Variants in SYNE2 observed in about 807,000 individuals in gnomAD.
The protein encoded by SYNE2 is spectrin repeat containing nuclear envelope protein 2, also known as nesprin-2.
SYNE2 carries 431 observed loss-of-function variants against 856.3 expected under a neutral mutation model. The observed-to-expected ratio is 0.50, with a 90% CI of 0.47 to 0.55. SYNE2 has a LOEUF of 0.55. SYNE2 is among the 20% of genes least tolerant of loss of function. The pLI is 0.00. For missense variants in SYNE2, 8,129 were observed against 8,023.2 expected, an observed-to-expected ratio of 1.01 and a Z score of -0.50; for synonymous variants, 2,923 against 2,872.3, an observed-to-expected ratio of 1.02 and a Z score of -0.56.
At chr14:64,080,720 G>C in intron 56 of SYNE2, 82 bp downstream of exon 56, 1 of 1,539,366 alleles carries the variant, frequency 6.5e-7, no homozygotes, top group Non-Finnish European at 9.0e-7. Flanking sequence ...TTCAGAAACA[G>C]TCAGTTTCTG....
In SYNE2 at chr14:64,053,637, A is replaced by C; in HGVS notation, c.9724A>C (p.Thr3242Pro). Residue 3242 changes from threonine (T) to proline (P), a missense_variant, in exon 48 of 116, where the codon ACA becomes CCA. Physicochemically the swap from Thr to Pro is conservative, Grantham distance 38. Coordinates refer to ENST00000555002, the MANE Select transcript of SYNE2 (RefSeq NM_182914.3). The part of the protein sequence containing the change: ...EFEDLQMQLN[T>P]SIDLRTNVLN... Reference sequence around the variant, plus strand: ...TGAAGATCTTCAGATGCAGCTTAACACAAGCATTGATTTGCGCACAGTAAG... The same window carrying C: ...TGAAGATCTTCAGATGCAGCTTAACCCAAGCATTGATTTGCGCACAGTAAG... The C allele has an allele frequency of 6.2e-7, 1 of 1,613,546 alleles. No individual in the cohort carries two copies. Among genetic ancestry groups the C allele is most frequent in the Non-Finnish European group, 8.5e-7 (1 of 1,179,674 alleles).
intron 2 of SYNE2, among the ~76,000 whole-genome samples, chr14:63,938,360 AG>A (rs1440898751): frequency 6.6e-6 from 1 of 152,112 alleles, no homozygotes; most frequent in African/African-American, 2.4e-5. Context: ...GGAGCCTGGG[AG>A]GTCAAGGCTG....
At position 64,142,000 on chromosome 14, in the gene SYNE2, A is replaced by G. The variant is rs142274277; in HGVS notation, c.15218A>G (p.Asn5073Ser). 3.3e-4 allele frequency: 537 copies of G among 1,614,174 alleles called. 2 individuals carry two copies. Among genetic ancestry groups the G allele is most frequent in the African/African-American group, 7.5e-4 (56 of 75,068 alleles). The change falls in exon 82 of 116, where the codon AAC (asparagine) becomes AGC (serine). Residue 5073 changes from asparagine (N) to serine (S), a missense_variant. Asn to Ser is a conservative substitution (Grantham distance 46). Transcript: ENST00000555002. ...KAITEMISWM[N>S]NVEHQTSDED... ...ATCACAGAAATGATTAGCTGGATGA[A>G]CAATGTGGAGCATCAAACTTCAGAT...
At chr14:63,794,052 C>T (rs1161324957) in intron 1 of SYNE2, among the ~76,000 whole-genome samples, 1 of 152,072 alleles carries the variant, frequency 6.6e-6, no homozygotes, top group Admixed American at 6.5e-5. Context: ...TTTAATAAAG[C>T]TGGATACAGA....
chr14:63,942,214 G>C, intron 6 of SYNE2, 71 bp downstream of exon 6: 1 of 929,418 alleles, frequency 1.1e-6, no homozygotes, highest in Non-Finnish European at 1.7e-6. Context: ...TGCAATAAGT[G>C]TGAGTGGACT....
rs113259336 is a variant in SYNE2, at chr14:63,789,114, C to T, written c.-305+27128C>T. 5.7e-3 allele frequency among the ~76,000 whole-genome samples: 868 copies of T among 152,182 alleles called. 5 individuals are homozygous for T. The highest frequency in any genetic ancestry group is 0.019 in the African/African-American group (802 of 41,526). On this transcript the variant is annotated intron_variant, in intron 1 of 23. Coordinates refer to the SYNE2 transcript ENST00000674003. ...TGTTAATTTTCTTAGTTTTCATTACCCCAAACCCTTTGCCAATTTGTCTAA... is the reference window on the plus strand; with the variant it reads ...TGTTAATTTTCTTAGTTTTCATTACTCCAAACCCTTTGCCAATTTGTCTAA...
intron 1 of SYNE2, among the ~76,000 whole-genome samples, chr14:63,804,483 T>TTTTCTTTTCC (rs1200026730): frequency 6.6e-6 from 1 of 152,046 alleles, no homozygotes; most frequent in Non-Finnish European, 1.5e-5. Flanking sequence ...TTTTCTTTTC[T>TTTTCTTTTCC]TTTCTTTTCC....
intron 1 of SYNE2, among the ~76,000 whole-genome samples, chr14:63,899,499 G>A (rs2095306797): frequency 6.7e-6 from 1 of 150,060 alleles, no homozygotes; most frequent in Admixed American, 6.6e-5. Flanking sequence ...ACTGTGCCTG[G>A]CCCTGTTTGT....
At chr14:63,815,104 ACACATATATC>A (rs1180042161) in intron 1 of SYNE2, among the ~76,000 whole-genome samples, 3 of 111,306 alleles carry the variant, frequency 2.7e-5, no homozygotes, top group South Asian at 2.9e-4. Flanking sequence ...ATATATATCC[ACACATATATC>A]CATATATATC....
chr14:64,049,666 C>G lies in SYNE2; in HGVS notation c.7433C>G (p.Thr2478Arg). 1 of 1,614,074 alleles carries G rather than the reference C, an allele frequency of 6.2e-7. No individual in the cohort carries two copies. ...GCAGCCATTAAGCCACTGGAACAAA[C>G]AGAATGTCTTAACAAAACAGAAACT... ...KKAAIKPLEQ[T>R]ECLNKTETGA... Residue 2478 changes from threonine to arginine, a missense_variant, in exon 47 of 116, where the codon ACA becomes AGA. Physicochemically the swap from Thr to Arg is moderately conservative, Grantham distance 71 (BLOSUM62 -1). Coordinates refer to ENST00000555002, the MANE Select transcript of SYNE2 (RefSeq NM_182914.3).
intron 45 of SYNE2, among the ~76,000 whole-genome samples, chr14:64,038,813 G>A (rs868720394): frequency 7.2e-5 from 11 of 152,282 alleles, no homozygotes; most frequent in South Asian, 2.1e-4. Flanking sequence ...GCTTCGGCTC[G>A]GCATCAGAGG....
chr14:64,029,700 A>AT (rs1414802327), intron 43 of SYNE2, among the ~76,000 whole-genome samples, 195 bp from the exon 44 acceptor site: 4 of 152,218 alleles, frequency 2.6e-5, no homozygotes, highest in African/African-American at 4.8e-5. Context: ...AATAAGAGTC[A>AT]TTTTTTTGCG....
intron 59 of SYNE2, among the ~76,000 whole-genome samples, chr14:64,090,003 T>C (rs1282458442): frequency 5.9e-5 from 9 of 152,312 alleles, no homozygotes; most frequent in South Asian, 4.1e-4. Context: ...GACTGAGTAA[T>C]TAATGGTTTT....
rs145247655 is a variant in SYNE2, at chr14:63,974,892, G to GTATA, written c.1129-1649_1129-1646dup. Among the ~76,000 whole-genome samples, 248 of 67,312 alleles carry GTATA rather than the reference G, an allele frequency of 3.7e-3. 6 individuals are homozygous for GTATA. Among genetic ancestry groups the GTATA allele is most frequent in the East Asian group, 6.4e-3 (14 of 2,180 alleles). 44.2% of individuals were successfully genotyped at this position (67,312 alleles called of 152,430 possible). A position where few individuals can be genotyped will look rare whatever the true frequency, so the allele number is the denominator to read the frequency against. Reference sequence around the variant, plus strand: ...TGTGTGTGTGTGTGTGTGTGTGTGTGTATATATATATATATATATATATAT... The same window carrying GTATA: ...TGTGTGTGTGTGTGTGTGTGTGTGTGTATATATATATATATATATATATATATAT... On this transcript the variant is annotated intron_variant, in intron 11 of 115. Transcript: ENST00000555002.
Position 64,209,453 on chromosome 14 carries a change from C to G in SYNE2, c.18415C>G (p.Gln6139Glu). ...AATCGAGGAGACGTGGCGCCTGTGG[C>G]AGAAGTTTTTAGACGACTATTCTCG... is the stretch of plus-strand genomic sequence containing the variant. ...MKIEETWRLW[Q>E]KFLDDYSRFE... The change falls in exon 102 of 116, where the codon CAG (glutamine) becomes GAG (glutamate). Residue 6139 changes from glutamine to glutamate, a missense_variant. Coordinates refer to ENST00000555002, the MANE Select transcript of SYNE2 (RefSeq NM_182914.3). 3 of 1,614,192 alleles carry G rather than the reference C, an allele frequency of 1.9e-6. No individual in the cohort carries two copies. The highest frequency in any genetic ancestry group is 2.5e-6 in the Non-Finnish European group (3 of 1,180,028).
chr14:63,886,592 A>C (rs1249659370), intron 1 of SYNE2, among the ~76,000 whole-genome samples: 1 of 152,220 alleles, frequency 6.6e-6, no homozygotes, highest in East Asian at 1.9e-4. Flanking sequence ...TAGATGTCTC[A>C]ACTGACAGAA....
At position 64,031,260 on chromosome 14, in the gene SYNE2, T is replaced by C. The variant is rs111902869; in HGVS notation, c.7124T>C (p.Leu2375Pro). 2.0e-3 allele frequency: 3,258 copies of C among 1,614,184 alleles called. 66 individuals carry two copies. The East Asian group carries it at 0.035, about 17-fold the overall frequency. Residue 2375 changes from leucine (L) to proline (P), a missense_variant, in exon 45 of 116, where the codon CTG (leucine) becomes CCG (proline). By Grantham distance (98) the Leu-to-Pro change is moderately conservative. Coordinates refer to ENST00000555002, the MANE Select transcript of SYNE2 (RefSeq NM_182914.3). ...ACAGAAAAGAAAGGAAAGTTTACTCTGCCAGGCAGAGAGAAGCAGGCCACT... is the reference window on the plus strand; with the variant it reads ...ACAGAAAAGAAAGGAAAGTTTACTCCGCCAGGCAGAGAGAAGCAGGCCACT... ...RSTEKKGKFT[L>P]PGREKQATSD...
rs867505513 is a variant in SYNE2 at position 64,126,536 on chromosome 14, G to A, written c.13707+57G>A. On this transcript the variant is annotated intron_variant, in intron 72 of 115. Transcript: ENST00000555002. ...CCATTACAGCAGCCCCGTGAGTTAA[G>A]CCCACGTGGAAGCCTCTTGAGGTCA... 1.2e-5 allele frequency: 20 copies of A among 1,614,076 alleles called. 1 individual carries two copies. The Middle Eastern group carries it at 3.1e-3, about 253-fold the overall frequency.
intron 1 of SYNE2, among the ~76,000 whole-genome samples, chr14:63,862,486 T>A (rs1894005550): frequency 6.6e-6 from 1 of 152,182 alleles, no homozygotes. Flanking sequence ...TCCTCCTGCT[T>A]TAGCCTCCTA....
Sources: allele counts gnomAD v4.1 joint callset (sites outside exome capture counted in the v4.1 genomes callset), GRCh38; gene constraint gnomAD v4.1.1; transcripts MANE v1.5; gene names NCBI Gene and HGNC (gene_info 2026-07-23, HGNC 2026-07-21).